The following RHOJ variants were observed in gnomAD, a reference collection of about 807,000 sequenced individuals.
RHOJ encodes the protein ras homolog family member J.
Under a neutral mutation model 23.4 loss-of-function variants are expected in RHOJ, and 11 were observed. That is an observed-to-expected ratio of 0.47 (90% CI 0.30 to 0.78). The LOEUF (loss-of-function observed/expected upper bound fraction) is 0.78, where lower values mean the gene tolerates loss of function less well. Ranked by LOEUF, RHOJ falls within the 30% of genes least tolerant of loss-of-function variation. The probability of loss-of-function intolerance (pLI) is 0.08; values close to 1 mark genes in which losing one functional copy is unlikely to be tolerated. For missense variants in RHOJ, 254 were observed against 273.4 expected, an observed-to-expected ratio of 0.93 and a Z score of 0.50; for synonymous variants, 102 against 102.7, an observed-to-expected ratio of 0.99 and a Z score of 0.04.
chr14:63,250,425 GAT>G (rs1000961127), intron 1 of RHOJ, among the ~76,000 whole-genome samples: 1 of 152,048 alleles, frequency 6.6e-6, no homozygotes, highest in African/African-American at 2.4e-5. Flanking sequence ...TTTTTGTAGA[GAT>G]AGGGTTTTGC....
Position 63,269,112 on chromosome 14 carries a change from A to T in RHOJ, c.181A>T (p.Thr61Ser), listed in dbSNP as rs1482476427. The T allele has an allele frequency of 6.2e-7, 1 of 1,610,854 alleles. No individual in the cohort carries two copies. The highest frequency in any genetic ancestry group is 2.2e-5 in the East Asian group (1 of 44,870). The stretch of plus-strand genomic sequence containing the variant: ...TTTTCTTTTCTCTTCTCCCCTAGTT[A>T]CTGTGACTGTGGGAGGCAAGCAACA... Reference protein sequence around the residue: ...VPTVFDHYAVTVTVGGKQHLL... With the variant: ...VPTVFDHYAVSVTVGGKQHLL... Residue 61 changes from threonine (T) to serine (S), a missense_variant and splice_region_variant, in exon 2 of 5, where the codon ACT becomes TCT. Thr to Ser is a moderately conservative substitution (Grantham distance 58). Transcript: ENST00000316754.
intron 2 of RHOJ, chr14:63,269,470 C>G: frequency 3.6e-6 from 1 of 280,648 alleles, no homozygotes; most frequent in Non-Finnish European, 6.6e-6. Flanking sequence ...CTGTGGAAAC[C>G]TATTCCAGAT....
In RHOJ at chr14:63,231,143, C is replaced by T. The variant is rs1425673225; in HGVS notation, c.178+26096C>T. Among the ~76,000 whole-genome samples, 5 of 152,128 alleles carry T rather than the reference C, an allele frequency of 3.3e-5. No homozygotes were observed. The East Asian group carries it at 7.7e-4, about 23-fold the overall frequency. On this transcript the variant is annotated intron_variant, in intron 1 of 4. Transcript: ENST00000316754. ...ACCTCAGGTGATCTGCCTGCCTCGG[C>T]CTCCCAAAGTGCTAGGATTACATGT...
At chr14:63,220,856 T>TC (rs1201721982) in intron 1 of RHOJ, among the ~76,000 whole-genome samples, 4 of 152,192 alleles carry the variant, frequency 2.6e-5, no homozygotes, top group Non-Finnish European at 5.9e-5. Flanking sequence ...ATACACACTA[T>TC]CCTTCAATGG....
intron 1 of RHOJ, among the ~76,000 whole-genome samples, chr14:63,254,512 C>T (rs144159631): frequency 1.7e-3 from 256 of 152,256 alleles, no homozygotes; most frequent in Non-Finnish European, 2.9e-3. Flanking sequence ...TTGCAAGGCA[C>T]GGTGCTGGGC....
chr14:63,226,523 G>A (rs1894596899), intron 1 of RHOJ, among the ~76,000 whole-genome samples: 1 of 150,066 alleles, frequency 6.7e-6, no homozygotes, highest in Non-Finnish European at 1.5e-5. Flanking sequence ...GAATTAGAGA[G>A]AAAATTATAT....
At chr14:63,230,838 A>G (rs1467963628) in intron 1 of RHOJ, among the ~76,000 whole-genome samples, 4 of 105,250 alleles carry the variant, frequency 3.8e-5, no homozygotes, top group Admixed American at 1.7e-4. Flanking sequence ...CAAGGGTACA[A>G]GGCTTTTTTT....
At chr14:63,282,308 A>G in intron 3 of RHOJ, among the ~76,000 whole-genome samples, 1 of 151,894 alleles carries the variant, frequency 6.6e-6, no homozygotes, top group Non-Finnish European at 1.5e-5. Context: ...ACACACACAC[A>G]CACACACACA....
intron 1 of RHOJ, among the ~76,000 whole-genome samples, chr14:63,210,847 G>A (rs1894220792): frequency 6.6e-6 from 1 of 152,128 alleles, no homozygotes; most frequent in Non-Finnish European, 1.5e-5. Context: ...TCTTTACGAT[G>A]TTCACCATTT....
chr14:63,245,574 C>T (rs8019142), intron 1 of RHOJ, among the ~76,000 whole-genome samples: 18,055 of 152,038 alleles, frequency 0.12, 1,459 homozygotes, highest in African/African-American at 0.23. Flanking sequence ...GGGAGGATCA[C>T]TTAAGCCCAG....
chr14:63,280,952 T>C lies in RHOJ; in HGVS notation c.238-19T>C, dbSNP rs773790832. 6 of 1,606,062 alleles carry C rather than the reference T, an allele frequency of 3.7e-6. No homozygotes were observed. In the Middle Eastern group the frequency reaches 8.3e-4, roughly 222 times the overall value. ...CACCTTACACAGGCTGTACAAACCC[T>C]TGTCTGCTCTTCCCACAGGAGGACT... On this transcript the variant is annotated intron_variant, in intron 2 of 4. Transcript: ENST00000316754.
chr14:63,220,499 A>C (rs1003863905), intron 1 of RHOJ, among the ~76,000 whole-genome samples: 35 of 152,206 alleles, frequency 2.3e-4, no homozygotes, highest in Non-Finnish European at 1.2e-4. Context: ...AAAAAACAAC[A>C]ACCAACCAAC....
Position 63,230,841 on chromosome 14 carries a change from C to CTTT in RHOJ, c.178+25810_178+25812dup, listed in dbSNP as rs57848893. Among the ~76,000 whole-genome samples, 4 of 95,260 alleles carry CTTT rather than the reference C, an allele frequency of 4.2e-5. 1 individual carries two copies. The highest frequency in any genetic ancestry group is 1.0e-4 in the African/African-American group (2 of 19,818). 62.5% of individuals were successfully genotyped at this position (95,260 alleles called of 152,430 possible). A position where few individuals can be genotyped will look rare whatever the true frequency, so the allele number is the denominator to read the frequency against. Reference sequence around the variant, plus strand: ...AATGGAAGTTTACAAGGGTACAAGGCTTTTTTTTTTTTTTTTTTAGATGGA... The same window carrying CTTT: ...AATGGAAGTTTACAAGGGTACAAGGCTTTTTTTTTTTTTTTTTTTTTAGATGGA... On this transcript the variant is annotated intron_variant, in intron 1 of 4. Coordinates refer to ENST00000316754, the MANE Select transcript of RHOJ (RefSeq NM_020663.5).
At chr14:63,251,670 G>A (rs983286543) in intron 1 of RHOJ, among the ~76,000 whole-genome samples, 1 of 152,106 alleles carries the variant, frequency 6.6e-6, no homozygotes, top group African/African-American at 2.4e-5. Context: ...TCCGTCACAT[G>A]GAAATATTAC....
chr14:63,240,376 G>A (rs548618898), intron 1 of RHOJ, among the ~76,000 whole-genome samples: 21 of 152,178 alleles, frequency 1.4e-4, no homozygotes, highest in South Asian at 4.2e-4. Flanking sequence ...GTTGCTATGC[G>A]GAGCAATTTG....
At chr14:63,270,499 G>GC (rs891609409) in intron 2 of RHOJ, among the ~76,000 whole-genome samples, 7 of 152,034 alleles carry the variant, frequency 4.6e-5, no homozygotes, top group African/African-American at 1.2e-4. Context: ...AAGAAAGGAG[G>GC]CCCCCCATGT....
intron 1 of RHOJ, among the ~76,000 whole-genome samples, chr14:63,257,080 A>G (rs1427528779): frequency 6.8e-6 from 1 of 147,914 alleles, no homozygotes; most frequent in Non-Finnish European, 1.5e-5. Flanking sequence ...CCAAAAAAAA[A>G]AGAAAAAATT....
chr14:63,281,163 A>G, intron 3 of RHOJ, 28 bp downstream of exon 3: 1 of 1,576,872 alleles, frequency 6.3e-7, no homozygotes, highest in Non-Finnish European at 8.6e-7. Context: ...GGCAGGGTGG[A>G]GCGGGCTGCA....
intron 1 of RHOJ, among the ~76,000 whole-genome samples, chr14:63,216,138 G>A (rs917912162): frequency 6.6e-6 from 1 of 152,086 alleles, no homozygotes; most frequent in Non-Finnish European, 1.5e-5. Context: ...ACACCAAAAG[G>A]TTTTGCTTCC....
Sources: gnomAD v4.1 joint callset for allele counts (sites outside exome capture counted in the v4.1 genomes callset) on GRCh38, gnomAD v4.1.1 for gene constraint, MANE v1.5 for transcripts, NCBI Gene and HGNC (gene_info 2026-07-23, HGNC 2026-07-21) for gene names.